VPS53: variants seen among roughly 807,000 people sequenced by gnomAD.
The protein encoded by VPS53 is VPS53 subunit of GARP complex.
VPS53 carries 70 observed loss-of-function variants against 107.0 expected under a neutral mutation model. The observed-to-expected ratio is 0.65, with a 90% CI of 0.54 to 0.80. The LOEUF (loss-of-function observed/expected upper bound fraction) is 0.80. VPS53 is among the 30% of genes least tolerant of loss of function. The pLI is 0.00. For missense variants in VPS53, 917 were observed against 1,049.4 expected (o/e 0.87, Z 1.74); for synonymous variants, 409 against 393.3 (o/e 1.04, Z -0.47).
chr17:575,701 TCCCAGAGAACCTCC>T (rs1465678694), intron 13 of VPS53, among the ~76,000 whole-genome samples: 1 of 150,412 alleles, frequency 6.6e-6, no homozygotes, highest in African/African-American at 2.5e-5. Flanking sequence ...CTCAATGCGT[TCCCAGAGAACCTCC>T]CCCAGAATCT....
At chr17:530,946 C>G (rs985596646) in intron 19 of VPS53, among the ~76,000 whole-genome samples, 2 of 152,236 alleles carry the variant, frequency 1.3e-5, no homozygotes, top group Non-Finnish European at 2.9e-5. Context: ...AATTTAGGAT[C>G]TGGCACCCTT....
intron 18 of VPS53, among the ~76,000 whole-genome samples, chr17:534,440 G>A (rs1289669690): frequency 6.6e-6 from 1 of 152,148 alleles, no homozygotes; most frequent in Non-Finnish European, 1.5e-5. Flanking sequence ...TGAGGGAGAG[G>A]AAACTGGAGT....
intron 17 of VPS53, among the ~76,000 whole-genome samples, chr17:551,082 T>C (rs1911775034): frequency 6.6e-6 from 1 of 151,820 alleles, no homozygotes; most frequent in African/African-American, 2.4e-5. Context: ...ATAAAGGACA[T>C]GGCTGATTGG....
chr17:544,666 G>A (rs1911043782), intron 17 of VPS53, among the ~76,000 whole-genome samples: 1 of 152,190 alleles, frequency 6.6e-6, no homozygotes. Flanking sequence ...GTGAAAAGGG[G>A]AAATAGCATA....
intron 13 of VPS53, among the ~76,000 whole-genome samples, chr17:579,241 C>A (rs1457980730): frequency 2.0e-5 from 3 of 150,932 alleles, no homozygotes; most frequent in Admixed American, 6.6e-5. Context: ...AATGCGTTCC[C>A]AGAGAACCTC....
intron 11 of VPS53, among the ~76,000 whole-genome samples, chr17:619,040 C>A (rs1969316125): frequency 8.0e-6 from 1 of 125,110 alleles, no homozygotes; most frequent in Non-Finnish European, 1.7e-5. Flanking sequence ...CACCACCACG[C>A]CCCGCTAATA....
intron 7 of VPS53, among the ~76,000 whole-genome samples, chr17:640,616 G>C (rs1347099830): frequency 6.6e-6 from 1 of 151,836 alleles, no homozygotes; most frequent in Non-Finnish European, 1.5e-5. Flanking sequence ...TTACTAGTGA[G>C]CCGCATAATC....
At chr17:562,001 G>A (rs763027873) in intron 14 of VPS53, among the ~76,000 whole-genome samples, 1 of 152,110 alleles carries the variant, frequency 6.6e-6, no homozygotes, top group Non-Finnish European at 1.5e-5. Context: ...CAATCCTACC[G>A]CATCTGAAAC....
chr17:521,700 G>A lies in VPS53; in HGVS notation c.2124C>T (p.Leu708=), dbSNP rs537204511. 1.7e-5 allele frequency: 26 copies of A among 1,550,102 alleles called. No individual in the cohort carries two copies. The highest frequency in any genetic ancestry group is 2.7e-5 in the African/African-American group (2 of 73,078). ...LDTHSLKMVL[L]DLPSISSQVV... is the part of the protein sequence containing the mutation. ...CCTGCGAGCTGATGGAGGGGAGATC[G>A]AGCAGGACCATCTTCAGCGAGTGGG... Residue 708 remains leucine (L), a synonymous_variant, in exon 20 of 22, where the codon CTC becomes CTT. Coordinates refer to ENST00000437048, the MANE Select transcript of VPS53 (RefSeq NM_001128159.3).
At chr17:607,376 A>G (rs1240460745) in intron 11 of VPS53, among the ~76,000 whole-genome samples, 2 of 152,296 alleles carry the variant, frequency 1.3e-5, no homozygotes, top group South Asian at 2.1e-4. Context: ...AACAACGCAC[A>G]TACCACCCTC....
intron 19 of VPS53, among the ~76,000 whole-genome samples, chr17:529,792 G>T (rs567817925): frequency 6.6e-6 from 1 of 151,338 alleles, no homozygotes; most frequent in Admixed American, 6.6e-5. Context: ...GCCTGTAATC[G>T]CACCACTTTG....
rs189021374 is a variant in VPS53 at position 565,673 on chromosome 17, C to A, written c.1314-2928G>T. Among the ~76,000 whole-genome samples the A allele has an allele frequency of 6.6e-3, 1,008 of 152,200 alleles. 11 individuals are homozygous for A. The highest frequency in any genetic ancestry group is 0.023 in the African/African-American group (957 of 41,516). ...CAACACTCCAGCCAGAGGTTCCTCG[C>A]AACAGCTCCCCTGCTGGCCTACTCC... On this transcript the variant is annotated intron_variant, in intron 13 of 21. Transcript: ENST00000437048.
chr17:619,512 A>G (rs1297194862), intron 11 of VPS53, among the ~76,000 whole-genome samples: 1 of 138,128 alleles, frequency 7.2e-6, no homozygotes, highest in East Asian at 2.2e-4. Flanking sequence ...CTGGGACTAC[A>G]GGCGTGCACC....
chr17:549,468 G>C (rs180826086), intron 17 of VPS53, among the ~76,000 whole-genome samples: 4 of 152,082 alleles, frequency 2.6e-5, no homozygotes, highest in African/African-American at 9.7e-5. Flanking sequence ...GTGTGGGCAC[G>C]GGGCAGAAGT....
intron 4 of VPS53, among the ~76,000 whole-genome samples, chr17:678,785 C>T (rs2143768873): frequency 6.6e-6 from 1 of 152,176 alleles, no homozygotes; most frequent in African/African-American, 2.4e-5. Context: ...ACTACAGGCG[C>T]CCGCCATCAC....
intron 11 of VPS53, 144 bp downstream of exon 11, chr17:623,388 TC>T: frequency 1.0e-6 from 1 of 964,120 alleles, no homozygotes; most frequent in Middle Eastern, 3.5e-4. Context: ...TTCTGTATCA[TC>T]ACTTTCCCAG....
chr17:594,171 AG>A (rs544944929), intron 12 of VPS53, among the ~76,000 whole-genome samples: 1,626 of 145,304 alleles, frequency 0.011, 26 homozygotes, highest in African/African-American at 0.034. Flanking sequence ...GGGTGGGAGG[AG>A]GGGGGAGGGA....
intron 5 of VPS53, among the ~76,000 whole-genome samples, chr17:658,007 C>A (rs113374606): frequency 4.7e-5 from 5 of 105,272 alleles, no homozygotes; most frequent in African/African-American, 1.9e-4. Flanking sequence ...GATACTCGGC[C>A]GTGAGTTCGT....
intron 4 of VPS53, among the ~76,000 whole-genome samples, chr17:683,943 C>T (rs1972492586): frequency 1.3e-5 from 2 of 152,192 alleles, no homozygotes; most frequent in South Asian, 4.1e-4. Context: ...TGATGGTGTT[C>T]ATAATACGTA....
Sources: gnomAD v4.1 joint callset for allele counts (sites outside exome capture counted in the v4.1 genomes callset) on GRCh38, gnomAD v4.1.1 for gene constraint, MANE v1.5 for transcripts, NCBI Gene and HGNC (gene_info 2026-07-23, HGNC 2026-07-21) for gene names.